TLR2: variants seen among roughly 807,000 people sequenced by gnomAD.
TLR2 encodes toll-like receptor 2.
TLR2 carries 7 observed loss-of-function variants against 9.1 expected under a neutral mutation model. The ratio of observed to expected loss-of-function variants is 0.77; its 90% CI spans 0.44 to 1.44. TLR2 has a LOEUF of 1.44. Ranked by LOEUF, TLR2 falls within the 40% of genes most tolerant of loss-of-function variation. The pLI, the probability that TLR2 is intolerant of heterozygous loss-of-function variation, is 0.01. For synonymous variants in TLR2, 317 were observed against 344.6 expected (o/e 0.92, Z 0.89); for missense variants, 812 against 904.6 (o/e 0.90, Z 1.31).
chr4:153,688,301 C>G (rs568745373), intron 2 of TLR2: 3 of 152,280 alleles, frequency 2.0e-5, no homozygotes, highest in Admixed American at 2.0e-4. Context: ...AATTATGGAC[C>G]AAGAACCTGT....
chr4:153,699,901 G>A (rs1172986779), intron 2 of TLR2, among the ~76,000 whole-genome samples: 1 of 152,158 alleles, frequency 6.6e-6, no homozygotes, highest in Non-Finnish European at 1.5e-5. Flanking sequence ...GTGTTAGATT[G>A]TTTTGCATTG....
At chr4:153,701,950 C>T (rs1736924071) in intron 2 of TLR2, 1 of 152,022 alleles carries the variant, frequency 6.6e-6, no homozygotes, top group Admixed American at 6.6e-5. Flanking sequence ...ATTAGTTTTA[C>T]TCATAAAAAG....
rs1251909316 is a variant in TLR2 at position 153,703,407 on chromosome 4, G to T, written c.500G>T (p.Arg167Ile). The change falls in exon 3 of 3, where the codon AGA (arginine) becomes ATA (isoleucine). Residue 167 changes from arginine to isoleucine, a missense_variant. Physicochemically the swap from Arg to Ile is moderately conservative, Grantham distance 97. Transcript: ENST00000642700. ...GNMDTFTKIQ[R>I]KDFAGLTFLE... is the part of the protein sequence containing the mutation. ...ATGGACACCTTCACTAAGATTCAAA[G>T]AAAAGATTTTGCTGGACTTACCTTC... 7 of 1,614,028 alleles carry T rather than the reference G, an allele frequency of 4.3e-6. No homozygotes were observed. The highest frequency in any genetic ancestry group is 2.2e-5 in the East Asian group (1 of 44,864).
Position 153,704,534 on chromosome 4 carries a change from T to C in TLR2, c.1627T>C (p.Ser543Pro), listed in dbSNP as rs370186997. 2 of 1,613,840 alleles carry C rather than the reference T, an allele frequency of 1.2e-6. No homozygotes were observed. The highest frequency in any genetic ancestry group is 1.7e-6 in the Non-Finnish European group (2 of 1,179,940). The change falls in exon 3 of 3, where the codon TCC becomes CCC. Residue 543 changes from serine to proline, a missense_variant. Coordinates refer to ENST00000642700, the MANE Select transcript of TLR2 (RefSeq NM_001318789.2). Reference sequence around the variant, plus strand: ...CTTCATTTGCTCCTGTGAATTCCTCTCCTTCACTCAGGAGCAGCAAGCACT... The same window carrying C: ...CTTCATTTGCTCCTGTGAATTCCTCCCCTTCACTCAGGAGCAGCAAGCACT... ...NNFICSCEFL[S>P]FTQEQQALAK...
Position 153,705,821 on chromosome 4 carries a change from G to A in TLR2, c.*559G>A, listed in dbSNP as rs948730816. The A allele has an allele frequency of 1.2e-5, 2 of 167,056 alleles. No homozygotes were observed. The highest frequency in any genetic ancestry group is 2.4e-5 in the African/African-American group (1 of 41,432). The allele number at this position is 167,056 out of a possible 1,614,324, so 10.3% of individuals were successfully genotyped here. ...TGGATGCAGAACCCATGGATATAGA[G>A]GGCCAACTGTAATCTGTAGCAACTG... On this transcript the variant is annotated 3_prime_UTR_variant, in exon 3 of 3. Coordinates refer to ENST00000642700, the MANE Select transcript of TLR2 (RefSeq NM_001318789.2).
At position 153,704,143 on chromosome 4, in the gene TLR2, G is replaced by A; in HGVS notation, c.1236G>A (p.Leu412=). 1 of 1,613,466 alleles carries A rather than the reference G, an allele frequency of 6.2e-7. No individual in the cohort carries two copies. The highest frequency in any genetic ancestry group is 8.5e-7 in the Non-Finnish European group (1 of 1,179,882). The part of the protein sequence containing the change: ...LEKTGETLLT[L]KNLTNIDISK... ...AAACCGGAGAGACTTTGCTCACTCT[G>A]AAAAACTTGACTAACATTGATATCA... Residue 412 remains leucine, a synonymous_variant, in exon 3 of 3, where the codon CTG becomes CTA. Coordinates refer to ENST00000642700, the MANE Select transcript of TLR2 (RefSeq NM_001318789.2).
At chr4:153,689,925 C>A (rs1735988276) in intron 2 of TLR2, among the ~76,000 whole-genome samples, 1 of 152,188 alleles carries the variant, frequency 6.6e-6, no homozygotes, top group Non-Finnish European at 1.5e-5. Context: ...TTGGGTCCTC[C>A]TCAGCATCAG....
intron 2 of TLR2, among the ~76,000 whole-genome samples, chr4:153,697,694 G>A (rs1736598686): frequency 6.6e-6 from 1 of 152,050 alleles, no homozygotes; most frequent in East Asian, 1.9e-4. Flanking sequence ...TTTCTCTCCT[G>A]ATAAAAAAGA....
intron 2 of TLR2, among the ~76,000 whole-genome samples, chr4:153,693,269 C>G (rs1343760150): frequency 6.6e-6 from 1 of 152,230 alleles, no homozygotes; most frequent in African/African-American, 2.4e-5. Context: ...TGACTGGAGA[C>G]AGCAACCTTC....
intron 2 of TLR2, among the ~76,000 whole-genome samples, chr4:153,697,676 G>A (rs1736597141): frequency 6.6e-6 from 1 of 152,028 alleles, no homozygotes; most frequent in South Asian, 2.1e-4. Context: ...TATCTCAAAA[G>A]AAATTGTTTT....
chr4:153,689,457 A>G (rs1231014725), intron 2 of TLR2, among the ~76,000 whole-genome samples: 3 of 152,180 alleles, frequency 2.0e-5, no homozygotes, highest in Non-Finnish European at 4.4e-5. Context: ...CCCTTAGGGG[A>G]CCAATCAATA....
intron 2 of TLR2, among the ~76,000 whole-genome samples, chr4:153,690,084 C>T (rs1000851555): frequency 6.6e-6 from 1 of 152,200 alleles, no homozygotes; most frequent in Non-Finnish European, 1.5e-5. Context: ...AACCTCTACC[C>T]CAAGTTATTA....
chr4:153,698,447 A>G (rs1736656743), intron 2 of TLR2, among the ~76,000 whole-genome samples: 1 of 152,204 alleles, frequency 6.6e-6, no homozygotes, highest in South Asian at 2.1e-4. Flanking sequence ...GATATTTAAA[A>G]TGATATAAAT....
intron 2 of TLR2, among the ~76,000 whole-genome samples, chr4:153,693,440 C>G (rs1465143998): frequency 1.3e-5 from 2 of 152,220 alleles, no homozygotes; most frequent in Non-Finnish European, 2.9e-5. Flanking sequence ...GCCTCTATAT[C>G]ACCCTCTCTT....
intron 1 of TLR2, among the ~76,000 whole-genome samples, chr4:153,687,209 A>G (rs1057456825): frequency 6.6e-6 from 1 of 152,200 alleles, no homozygotes; most frequent in African/African-American, 2.4e-5. Flanking sequence ...CCTTAAGTGC[A>G]TATATTAGAA....
At chr4:153,701,305 G>C (rs1164667891) in intron 2 of TLR2, among the ~76,000 whole-genome samples, 1 of 152,128 alleles carries the variant, frequency 6.6e-6, no homozygotes, top group Non-Finnish European at 1.5e-5. Context: ...CCTTGAGATG[G>C]AATGTAGTGC....
chr4:153,709,762 A>G (rs1737442951), downstream of TLR2, among the ~76,000 whole-genome samples: 1 of 152,254 alleles, frequency 6.6e-6, no homozygotes, highest in Non-Finnish European at 1.5e-5. Flanking sequence ...TTCTTGCTTT[A>G]GTACAGCTGT....
rs1424475517 is a variant in TLR2, at chr4:153,697,084, A to G, written c.-16-5808A>G. On this transcript the variant is annotated intron_variant, in intron 2 of 2. Transcript: ENST00000642700. ...GAAAGAGAAAGAGTATAGAAGAAAA[A>G]CTGAATGGATATAAGAAAGTTGTAG... Among the ~76,000 whole-genome samples, 5 of 152,148 alleles carry G rather than the reference A, an allele frequency of 3.3e-5. 1 individual carries two copies. The South Asian group carries it at 1.0e-3, about 32-fold the overall frequency.
chr4:153,702,862 A>G (rs756489536), intron 2 of TLR2, 30 bp from the exon 3 acceptor site: 5 of 1,541,554 alleles, frequency 3.2e-6, no homozygotes, highest in East Asian at 4.5e-5. Context: ...GTCAAACACA[A>G]TGACTTATTT....
Sources: gnomAD v4.1 joint callset for allele counts (sites outside exome capture counted in the v4.1 genomes callset) on GRCh38, gnomAD v4.1.1 for gene constraint, MANE v1.5 for transcripts, NCBI Gene and HGNC (gene_info 2026-07-23, HGNC 2026-07-21) for gene names.